The following TMEM196 variants were observed in gnomAD, a reference collection of about 807,000 sequenced individuals.
TMEM196 encodes transmembrane protein 196.
TMEM196 carries 17 observed loss-of-function variants against 20.0 expected under a neutral mutation model. That is an observed-to-expected ratio of 0.85 (90% CI 0.58 to 1.27). The LOEUF is 1.27. Ranked by LOEUF, TMEM196 falls within the 50% of genes most tolerant of loss-of-function variation. The probability of loss-of-function intolerance (pLI) is 0.00; values close to 1 mark genes in which losing one functional copy is unlikely to be tolerated. For synonymous variants in TMEM196, 113 were observed against 88.9 expected (o/e 1.27, Z -1.52); for missense variants, 267 against 223.0 (o/e 1.20, Z -1.26).
intron 1 of TMEM196, among the ~76,000 whole-genome samples, chr7:19,736,024 T>A (rs1174916440): frequency 1.3e-5 from 2 of 151,994 alleles, no homozygotes; most frequent in Non-Finnish European, 1.5e-5. Flanking sequence ...TGTTTAAAAA[T>A]TGTTTAGAAA....
At chr7:19,736,353 C>CTATATA (rs71017071) in intron 1 of TMEM196, among the ~76,000 whole-genome samples, 417 of 37,548 alleles carry the variant, frequency 0.011, 19 homozygotes, top group Middle Eastern at 0.026. Flanking sequence ...GTGGTTCCTA[C>CTATATA]TATATATATA....
chr7:19,731,262 A>C (rs1380156718), intron 1 of TMEM196, among the ~76,000 whole-genome samples: 2 of 152,192 alleles, frequency 1.3e-5, no homozygotes, highest in Non-Finnish European at 2.9e-5. Flanking sequence ...AAACCATGAG[A>C]AGATAGAAAC....
chr7:19,754,235 G>C (rs1785111189), intron 1 of TMEM196, among the ~76,000 whole-genome samples: 1 of 152,074 alleles, frequency 6.6e-6, no homozygotes, highest in Admixed American at 6.6e-5. Context: ...TAAAATTGTA[G>C]GTATAAGTCA....
chr7:19,731,283 A>G (rs1419121596), intron 1 of TMEM196, among the ~76,000 whole-genome samples: 1 of 152,236 alleles, frequency 6.6e-6, no homozygotes, highest in East Asian at 1.9e-4. Context: ...TCAGAACTTT[A>G]TAAAACCTGA....
At chr7:19,745,299 C>G (rs759188389) in intron 1 of TMEM196, among the ~76,000 whole-genome samples, 1 of 151,988 alleles carries the variant, frequency 6.6e-6, no homozygotes, top group African/African-American at 2.4e-5. Flanking sequence ...GCAGAACCTG[C>G]GCATAGGGAG....
At position 19,772,979 on chromosome 7, in the gene TMEM196, G is replaced by A. The variant is rs1785952771; in HGVS notation, c.-283C>T. On this transcript the variant is annotated 5_prime_UTR_variant, in exon 1 of 5. Coordinates refer to ENST00000405844, the MANE Select transcript of TMEM196 (RefSeq NM_001363562.2). ...GCGAAGATTGCACACCGGTACCGGG[G>A]CTTTTAAGCAGCGGAAAACCTGGAG... 1.1e-5 allele frequency: 3 copies of A among 285,430 alleles called. No homozygotes were observed. Among genetic ancestry groups the A allele is most frequent in the Non-Finnish European group, 1.9e-5 (3 of 154,864 alleles). 17.7% of individuals were successfully genotyped at this position (285,430 alleles called of 1,614,324 possible). A position where few individuals can be genotyped will look rare whatever the true frequency, so the allele number is the denominator to read the frequency against.
intron 1 of TMEM196, among the ~76,000 whole-genome samples, chr7:19,745,885 A>G (rs575814042): frequency 3.3e-5 from 5 of 151,608 alleles, no homozygotes; most frequent in African/African-American, 9.7e-5. Context: ...GTCTTTTGGC[A>G]TTTTGTTCTG....
At chr7:19,736,763 C>G (rs1417337645) in intron 1 of TMEM196, among the ~76,000 whole-genome samples, 1 of 151,884 alleles carries the variant, frequency 6.6e-6, no homozygotes, top group Non-Finnish European at 1.5e-5. Context: ...AAGGGAGAAA[C>G]ATGGAGTCAA....
intron 1 of TMEM196, among the ~76,000 whole-genome samples, chr7:19,764,296 G>A (rs1187890867): frequency 6.6e-6 from 1 of 152,170 alleles, no homozygotes; most frequent in African/African-American, 2.4e-5. Context: ...GTCAAGTTCT[G>A]CCCTGCAGAG....
At position 19,773,461 on chromosome 7, in the gene TMEM196, G is replaced by C. The variant is rs1785974994; in HGVS notation, c.-765C>G. 1 of 168,886 alleles carries C rather than the reference G, an allele frequency of 5.9e-6. No homozygotes were observed. The allele number at this position is 168,886 out of a possible 1,614,324, so 10.5% of individuals were successfully genotyped here. A position where few individuals can be genotyped will look rare whatever the true frequency, so the allele number is the denominator to read the frequency against. ...ATTGGGGTTTAGGAGGTTGACGGAG[G>C]AGGAAAAAGCCTAATGTATTTGTAG... On this transcript the variant is annotated 5_prime_UTR_variant, in exon 1 of 5. Transcript: ENST00000405844.
chr7:19,753,021 T>C (rs1369460047), intron 1 of TMEM196, among the ~76,000 whole-genome samples: 1 of 152,216 alleles, frequency 6.6e-6, no homozygotes, highest in Non-Finnish European at 1.5e-5. Context: ...GTGGATCTTC[T>C]ACAGCCAAAG....
At chr7:19,735,651 G>A (rs897843131) in intron 1 of TMEM196, among the ~76,000 whole-genome samples, 1 of 152,168 alleles carries the variant, frequency 6.6e-6, no homozygotes, top group Non-Finnish European at 1.5e-5. Flanking sequence ...TGTGGAAGCA[G>A]ATATAAGCAA....
chr7:19,733,013 A>G (rs1176980548), intron 1 of TMEM196, among the ~76,000 whole-genome samples: 2 of 152,194 alleles, frequency 1.3e-5, no homozygotes, highest in Non-Finnish European at 2.9e-5. Context: ...TTTATTTGTG[A>G]GAAGATGGGA....
rs1269413112 is a variant in TMEM196 at position 19,722,187 on chromosome 7, G to C, written c.534-53C>G. ...AAATTCGCTTTTGGAGTAAGACATT[G>C]TTTTGGTTAATGAGTTTGCAAAACA... On this transcript the variant is annotated intron_variant, in intron 4 of 4. Coordinates refer to ENST00000405844, the MANE Select transcript of TMEM196 (RefSeq NM_001363562.2). 3 of 1,490,580 alleles carry C rather than the reference G, an allele frequency of 2.0e-6. No individual in the cohort carries two copies. In the Admixed American group the frequency reaches 5.8e-5, roughly 29 times the overall value. The allele number at this position is 1,490,580 out of a possible 1,614,324, so 92.3% of individuals were successfully genotyped here.
chr7:19,757,556 G>A (rs1439090865), intron 1 of TMEM196, among the ~76,000 whole-genome samples: 1 of 151,698 alleles, frequency 6.6e-6, no homozygotes, highest in Non-Finnish European at 1.5e-5. Flanking sequence ...TTTCATCTTA[G>A]TATTTTTTAA....
intron 1 of TMEM196, among the ~76,000 whole-genome samples, chr7:19,768,671 A>T (rs1785733066): frequency 6.6e-6 from 1 of 152,162 alleles, no homozygotes; most frequent in Admixed American, 6.6e-5. Flanking sequence ...TTCATTGTAG[A>T]TGACCATATC....
At chr7:19,736,055 G>A (rs1290791072) in intron 1 of TMEM196, among the ~76,000 whole-genome samples, 1 of 151,934 alleles carries the variant, frequency 6.6e-6, no homozygotes, top group African/African-American at 2.4e-5. Flanking sequence ...CTGGCTAAAA[G>A]ATGTATTTAT....
chr7:19,753,880 TCTC>T (rs1319870275), intron 1 of TMEM196, among the ~76,000 whole-genome samples: 2 of 152,190 alleles, frequency 1.3e-5, no homozygotes, highest in African/African-American at 2.4e-5. Context: ...TTGGAATATC[TCTC>T]CTCCTCTCTT....
rs1407712632 is a variant in TMEM196, at chr7:19,772,871, G to C, written c.-175C>G. ...TTTCCAGAAACGAAGACCTTCCCTG[G>C]CTGGGCCAGAGGCAAAGGAGCTGCT... On this transcript the variant is annotated 5_prime_UTR_variant, in exon 1 of 5. Coordinates refer to ENST00000405844, the MANE Select transcript of TMEM196 (RefSeq NM_001363562.2). 7 of 554,070 alleles carry C rather than the reference G, an allele frequency of 1.3e-5. No homozygotes were observed. The highest frequency in any genetic ancestry group is 1.9e-5 in the Non-Finnish European group (7 of 359,522). The allele number at this position is 554,070 out of a possible 1,614,324, so 34.3% of individuals were successfully genotyped here. A position where few individuals can be genotyped will look rare whatever the true frequency, so the allele number is the denominator to read the frequency against.
Sources: allele counts gnomAD v4.1 joint callset (sites outside exome capture counted in the v4.1 genomes callset), GRCh38; gene constraint gnomAD v4.1.1; transcripts MANE v1.5; gene names NCBI Gene and HGNC (gene_info 2026-07-23, HGNC 2026-07-21).